REEP1: variants seen among roughly 807,000 people sequenced by gnomAD.
REEP1 encodes receptor accessory protein 1, also known as receptor expression-enhancing protein 1.
A neutral mutation model predicts 40.3 loss-of-function variants in REEP1; 22 were observed. That is an observed-to-expected ratio of 0.55 (90% CI 0.39 to 0.78). The LOEUF (loss-of-function observed/expected upper bound fraction) is 0.78. REEP1 is among the 30% of genes least tolerant of loss of function. The pLI, the probability that REEP1 is intolerant of heterozygous loss-of-function variation, is 0.00. For synonymous variants in REEP1, 116 were observed against 139.2 expected, an observed-to-expected ratio of 0.83 and a Z score of 1.17; for missense variants, 280 against 361.1, an observed-to-expected ratio of 0.78 and a Z score of 1.82.
chr2:86,249,698 C>A (rs960045030), intron 5 of REEP1, among the ~76,000 whole-genome samples: 5 of 152,146 alleles, frequency 3.3e-5, no homozygotes, highest in Admixed American at 1.3e-4. Context: ...AGTCATCATC[C>A]TTTGACCAAG....
intron 1 of REEP1, among the ~76,000 whole-genome samples, chr2:86,315,222 C>G (rs1203603095): frequency 1.3e-5 from 2 of 152,136 alleles, no homozygotes; most frequent in Admixed American, 1.3e-4. Context: ...CTCCAAGGAC[C>G]CTGGGAAGCA....
rs1432220603 is a variant in REEP1 at position 86,254,689 on chromosome 2, A to G, written c.303+5T>C. The G allele has an allele frequency of 6.2e-7, 1 of 1,612,920 alleles. No individual in the cohort carries two copies. The highest frequency in any genetic ancestry group is 1.3e-5 in the African/African-American group (1 of 74,920). On this transcript the variant is annotated splice_donor_5th_base_variant and intron_variant, in intron 4 of 8. Transcript: ENST00000538924. The stretch of plus-strand genomic sequence containing the variant: ...AAGAATGAAAGACATGGCAGCATAT[A>G]TTACCTTTTCTTTTGAAGATAGCGT...
chr2:86,267,310 G>C (rs115758743), intron 2 of REEP1, among the ~76,000 whole-genome samples: 2,448 of 152,248 alleles, frequency 0.016, 55 homozygotes, highest in African/African-American at 0.053. Context: ...TTTTATAACA[G>C]GTAGTTTCCT....
chr2:86,242,751 A>G (rs950567620), intron 5 of REEP1, among the ~76,000 whole-genome samples: 1 of 152,196 alleles, frequency 6.6e-6, no homozygotes, highest in African/African-American at 2.4e-5. Flanking sequence ...ACTGTACAGG[A>G]CTTAAACAGG....
chr2:86,317,530 G>T (rs111253978), intron 1 of REEP1, among the ~76,000 whole-genome samples: 1 of 152,110 alleles, frequency 6.6e-6, no homozygotes, highest in African/African-American at 2.4e-5. Context: ...TTGCCTTTTC[G>T]CTGTGTTGAA....
At position 86,337,511 on chromosome 2, in the gene REEP1, G is replaced by A; in HGVS notation, c.-1C>T. 1 of 1,283,358 alleles carries A rather than the reference G, an allele frequency of 7.8e-7. No homozygotes were observed. The highest frequency in any genetic ancestry group is 9.9e-7 in the Non-Finnish European group (1 of 1,008,980). The allele number at this position is 1,283,358 out of a possible 1,614,324, so 79.5% of individuals were successfully genotyped here. ...GCCTGGAGATGATCCATGACACCAT[G>A]GCGGGCAGGCGGGCGGGCGAGGCCC... On this transcript the variant is annotated 5_prime_UTR_variant, in exon 1 of 9. Coordinates refer to ENST00000538924, the MANE Select transcript of REEP1 (RefSeq NM_001371279.1). This position sits in a 1 kb window ranked among gnomAD's most constrained non-coding sequence, Gnocchi z 5.8.
intron 1 of REEP1, among the ~76,000 whole-genome samples, chr2:86,291,385 G>A (rs1279515761): frequency 1.3e-5 from 2 of 152,066 alleles, no homozygotes; most frequent in African/African-American, 2.4e-5. Context: ...GTTCTCTCCC[G>A]ACCTGAGCTG....
At chr2:86,312,236 C>T (rs1679797549) in intron 1 of REEP1, among the ~76,000 whole-genome samples, 1 of 152,186 alleles carries the variant, frequency 6.6e-6, no homozygotes, top group African/African-American at 2.4e-5. Context: ...CAGTCTGGTC[C>T]TTCAAGTGGC....
intron 1 of REEP1, among the ~76,000 whole-genome samples, chr2:86,306,518 C>T (rs888272637): frequency 1.3e-5 from 2 of 152,120 alleles, no homozygotes; most frequent in African/African-American, 4.8e-5. Context: ...AACACAAAGA[C>T]AATGGAAGGA....
chr2:86,216,976 T>C lies in REEP1; in HGVS notation c.*63A>G. The C allele has an allele frequency of 2.8e-6, 4 of 1,429,240 alleles. No individual in the cohort carries two copies. The highest frequency in any genetic ancestry group is 3.9e-6 in the Non-Finnish European group (4 of 1,013,930). 88.5% of individuals were successfully genotyped at this position (1,429,240 alleles called of 1,614,324 possible). ...AGCTTGCGGATTTCTATGTTATTAG[T>C]GAATAGCTCTTTAAGGCAGAGAAGA... On this transcript the variant is annotated 3_prime_UTR_variant, in exon 9 of 9. Transcript: ENST00000538924.
rs138662239 is a variant in REEP1, at chr2:86,301,551, T to C, written c.33-19309A>G. On this transcript the variant is annotated intron_variant, in intron 1 of 8. Transcript: ENST00000538924. ...AGTTTTCAAGAGACCAGCGTGACAA[T>C]ACCAGAAATACTAGTTTCCTATCTC... is the stretch of plus-strand genomic sequence containing the variant. Among the ~76,000 whole-genome samples, 424 of 152,346 alleles carry C rather than the reference T, an allele frequency of 2.8e-3. 5 individuals are homozygous for C. The highest frequency in any genetic ancestry group is 9.3e-3 in the African/African-American group (385 of 41,584).
intron 1 of REEP1, 107 bp from the exon 2 acceptor site, chr2:86,282,349 T>C (rs1337831477): frequency 5.8e-6 from 5 of 867,980 alleles, no homozygotes; most frequent in South Asian, 2.7e-5. Context: ...CAGAAAGTGC[T>C]GCTGTGGGGC....
At chr2:86,307,622 G>A (rs753561100) in intron 1 of REEP1, among the ~76,000 whole-genome samples, 14 of 152,052 alleles carry the variant, frequency 9.2e-5, no homozygotes, top group South Asian at 2.1e-4. Context: ...TCAGCTGGGC[G>A]TGGTGGCACA....
intron 5 of REEP1, among the ~76,000 whole-genome samples, chr2:86,245,813 G>A (rs1448888422): frequency 4.7e-5 from 7 of 149,134 alleles, no homozygotes; most frequent in Non-Finnish European, 1.0e-4. Context: ...CTCCCAGGCT[G>A]GAGTGCAGTG....
At chr2:86,301,402 C>T (rs1679251716) in intron 1 of REEP1, among the ~76,000 whole-genome samples, 1 of 152,244 alleles carries the variant, frequency 6.6e-6, no homozygotes, top group Non-Finnish European at 1.5e-5. Flanking sequence ...AGATTCTCAT[C>T]TCATTTCTAC....
At chr2:86,308,684 C>A (rs1336612580) in intron 1 of REEP1, among the ~76,000 whole-genome samples, 1 of 152,212 alleles carries the variant, frequency 6.6e-6, no homozygotes, top group Non-Finnish European at 1.5e-5. Context: ...GAGGCTTGAG[C>A]GCTGTCACTC....
intron 2 of REEP1, among the ~76,000 whole-genome samples, chr2:86,281,159 A>C (rs1678057866): frequency 6.6e-6 from 1 of 152,120 alleles, no homozygotes; most frequent in Non-Finnish European, 1.5e-5. Flanking sequence ...CCACCCACCC[A>C]GCAGGTCTTT....
intron 1 of REEP1, among the ~76,000 whole-genome samples, chr2:86,296,489 G>A (rs1678990113): frequency 6.6e-6 from 1 of 152,222 alleles, no homozygotes; most frequent in Admixed American, 6.5e-5. Context: ...TTGATCACAT[G>A]TATTTGTATT....
At chr2:86,314,395 C>T (rs916663248) in intron 1 of REEP1, among the ~76,000 whole-genome samples, 1 of 152,104 alleles carries the variant, frequency 6.6e-6, no homozygotes, top group African/African-American at 2.4e-5. Flanking sequence ...CACTGCAGGG[C>T]TGGGCTGGCT....
Sources: allele counts gnomAD v4.1 joint callset (sites outside exome capture counted in the v4.1 genomes callset), GRCh38; gene constraint gnomAD v4.1.1; non-coding constraint Gnocchi (gnomAD v3.1); transcripts MANE v1.5; gene names NCBI Gene and HGNC (gene_info 2026-07-23, HGNC 2026-07-21).